Variants in GRIP1 observed in about 807,000 individuals in gnomAD.
The protein encoded by GRIP1 is glutamate receptor-interacting protein 1.
In GRIP1, 45 loss-of-function variants were observed where a neutral mutation model predicts 129.9. That is an observed-to-expected ratio of 0.35 (90% CI 0.27 to 0.44). The LOEUF is 0.44. GRIP1 is among the 20% of genes least tolerant of loss of function. The pLI is 1.00. For synonymous variants in GRIP1, 530 were observed against 520.8 expected (o/e 1.02, Z -0.24); for missense variants, 1,196 against 1,396.8 (o/e 0.86, Z 2.29).
At chr12:67,052,280 T>C (rs1185973813) in intron 1 of GRIP1, among the ~76,000 whole-genome samples, 1 of 152,224 alleles carries the variant, frequency 6.6e-6, no homozygotes, top group Non-Finnish European at 1.5e-5. Flanking sequence ...TCTCCAAACA[T>C]CCTGGAACTC....
intron 1 of GRIP1, among the ~76,000 whole-genome samples, chr12:66,606,286 T>C (rs1355030179): frequency 6.6e-6 from 1 of 151,986 alleles, no homozygotes; most frequent in Non-Finnish European, 1.5e-5. Context: ...CTCAGGTTGA[T>C]GTCCCTGGTT....
rs189404848 is a variant in GRIP1 at position 66,813,434 on chromosome 12, A to G, written c.59-216507T>C. Reference sequence around the variant, plus strand: ...TCAACATGAGGTTTGGAGGGGAGACACATCAAACCATATCAGAGGAAACAG... The same window carrying G: ...TCAACATGAGGTTTGGAGGGGAGACGCATCAAACCATATCAGAGGAAACAG... On this transcript the variant is annotated intron_variant, in intron 1 of 1. Coordinates refer to the GRIP1 transcript ENST00000643019. 4.1e-4 allele frequency among the ~76,000 whole-genome samples: 62 copies of G among 152,328 alleles called. No individual in the cohort carries two copies. In the East Asian group the frequency reaches 0.012, roughly 29 times the overall value.
intron 1 of GRIP1, among the ~76,000 whole-genome samples, chr12:66,663,700 A>G (rs929300451): frequency 2.0e-5 from 3 of 152,188 alleles, no homozygotes; most frequent in Non-Finnish European, 4.4e-5. Context: ...TTTTTGTAAC[A>G]AAGTGAAAAC....
intron 1 of GRIP1, among the ~76,000 whole-genome samples, chr12:66,862,255 T>A (rs571175020): frequency 3.9e-5 from 6 of 152,168 alleles, no homozygotes; most frequent in Admixed American, 3.9e-4. Flanking sequence ...GAATAAAATA[T>A]GGATCAATAA....
At chr12:66,624,970 T>C (rs2029870443) in intron 1 of GRIP1, among the ~76,000 whole-genome samples, 1 of 151,586 alleles carries the variant, frequency 6.6e-6, no homozygotes, top group African/African-American at 2.4e-5. Flanking sequence ...GGCAAGACTA[T>C]ACTTTACTTT....
intron 1 of GRIP1, among the ~76,000 whole-genome samples, chr12:66,643,678 C>A (rs117565762): frequency 2.6e-5 from 4 of 152,132 alleles, no homozygotes; most frequent in African/African-American, 9.7e-5. Flanking sequence ...GATCCTCCCA[C>A]CTCAGCCTCC....
chr12:66,992,375 A>AG (rs1433187478), intron 1 of GRIP1, among the ~76,000 whole-genome samples: 1 of 72,380 alleles, frequency 1.4e-5, no homozygotes, highest in Non-Finnish European at 2.8e-5. Flanking sequence ...AAGGTTTAGA[A>AG]AAAAAAAATT....
At chr12:66,935,542 G>T (rs12818966) in intron 1 of GRIP1, among the ~76,000 whole-genome samples, 2 of 151,938 alleles carry the variant, frequency 1.3e-5, no homozygotes, top group Non-Finnish European at 2.9e-5. Flanking sequence ...GAGTTCAGTC[G>T]TGTGGCTAAT....
intron 7 of GRIP1, among the ~76,000 whole-genome samples, chr12:66,498,942 A>T (rs1178891781): frequency 1.3e-5 from 2 of 152,226 alleles, no homozygotes; most frequent in African/African-American, 4.8e-5. Flanking sequence ...ACAGTACTGT[A>T]AAGAGAATAG....
intron 1 of GRIP1, among the ~76,000 whole-genome samples, chr12:66,968,719 C>T (rs6581726): frequency 0.37 from 56,794 of 151,858 alleles, 10,979 homozygotes; most frequent in East Asian, 0.53. Context: ...TCTAATACAC[C>T]GTTACAATTA....
intron 1 of GRIP1, among the ~76,000 whole-genome samples, chr12:66,704,878 T>C (rs192288466): frequency 1.3e-5 from 2 of 152,192 alleles, no homozygotes; most frequent in African/African-American, 2.4e-5. Flanking sequence ...TGAACCTTGA[T>C]TGCACTGCCA....
At chr12:66,563,335 T>C (rs1179298806) in intron 2 of GRIP1, among the ~76,000 whole-genome samples, 2 of 152,088 alleles carry the variant, frequency 1.3e-5, no homozygotes, top group African/African-American at 4.8e-5. Context: ...AGAAATGCTT[T>C]TCAACATGTA....
chr12:66,548,655 C>G (rs1378059916), intron 2 of GRIP1, among the ~76,000 whole-genome samples: 1 of 152,010 alleles, frequency 6.6e-6, no homozygotes, highest in Non-Finnish European at 1.5e-5. Flanking sequence ...AGTTAGAGAC[C>G]AATTAGGATG....
chr12:66,403,538 A>G (rs2057083074), intron 16 of GRIP1, among the ~76,000 whole-genome samples: 1 of 152,192 alleles, frequency 6.6e-6, no homozygotes. Flanking sequence ...ATTTTCAAAG[A>G]GTGATCTTTT....
At chr12:66,454,889 G>C (rs1322489396) in intron 11 of GRIP1, among the ~76,000 whole-genome samples, 1 of 152,116 alleles carries the variant, frequency 6.6e-6, no homozygotes, top group Non-Finnish European at 1.5e-5. Context: ...GTTTAAAAGG[G>C]AATGTTCATA....
chr12:67,066,052 G>A (rs750513463), intron 1 of GRIP1, among the ~76,000 whole-genome samples: 2 of 152,162 alleles, frequency 1.3e-5, no homozygotes, highest in African/African-American at 4.8e-5. Context: ...GTATGTTAGC[G>A]TACATGGGTG....
chr12:66,896,898 A>G (rs767548366), intron 1 of GRIP1, among the ~76,000 whole-genome samples: 2 of 152,184 alleles, frequency 1.3e-5, no homozygotes, highest in African/African-American at 2.4e-5. Context: ...AATAATTAGA[A>G]TGTGTCAAGG....
At chr12:66,372,826 A>G (rs1163514424) in intron 22 of GRIP1, among the ~76,000 whole-genome samples, 1 of 152,152 alleles carries the variant, frequency 6.6e-6, no homozygotes, top group African/African-American at 2.4e-5. Flanking sequence ...GGAGAATGCT[A>G]AAATTCTGAA....
At chr12:66,670,545 C>A (rs900764744) in intron 1 of GRIP1, among the ~76,000 whole-genome samples, 1 of 152,160 alleles carries the variant, frequency 6.6e-6, no homozygotes, top group African/African-American at 2.4e-5. Flanking sequence ...CAGGAGTGGA[C>A]TCAGCAAATG....
Sources: gnomAD v4.1 joint callset for allele counts (sites outside exome capture counted in the v4.1 genomes callset) on GRCh38, gnomAD v4.1.1 for gene constraint, MANE v1.5 for transcripts, NCBI Gene and HGNC (gene_info 2026-07-23, HGNC 2026-07-21) for gene names.